The following ZNF44 variants were observed in gnomAD, a reference collection of about 807,000 sequenced individuals.
ZNF44 encodes gonadotropin inducible transcription repressor-2.
In ZNF44, 9 loss-of-function variants were observed where a neutral mutation model predicts 11.7. That is an observed-to-expected ratio of 0.77 (90% CI 0.46 to 1.35). The LOEUF is 1.35. ZNF44 is among the 40% of genes most tolerant of loss of function. The pLI is 0.00. For synonymous variants in ZNF44, 224 were observed against 242.7 expected (o/e 0.92, Z 0.72); for missense variants, 696 against 743.1 (o/e 0.94, Z 0.74).
At chr19:12,282,343 T>C (rs987831943) in intron 1 of ZNF44, among the ~76,000 whole-genome samples, 11 of 151,630 alleles carry the variant, frequency 7.3e-5, no homozygotes, top group Non-Finnish European at 1.0e-4. Flanking sequence ...GGCATTAAGC[T>C]CCCTGCCAAG....
At chr19:12,231,216 T>TG (rs1298213953) in intron 2 of ZNF44, among the ~76,000 whole-genome samples, 1 of 152,058 alleles carries the variant, frequency 6.6e-6, no homozygotes, top group African/African-American at 2.4e-5. Context: ...ATGTCCTGTG[T>TG]GGGTATGTTT....
At chr19:12,257,615 G>A (rs370671723) in intron 5 of ZNF44, among the ~76,000 whole-genome samples, 37 of 118,570 alleles carry the variant, frequency 3.1e-4, no homozygotes, top group African/African-American at 8.3e-4. Context: ...GTGAAACTCC[G>A]TCTCTACTAA....
intron 1 of ZNF44, among the ~76,000 whole-genome samples, chr19:12,292,733 A>G (rs1968061385): frequency 6.6e-6 from 1 of 152,112 alleles, no homozygotes; most frequent in African/African-American, 2.4e-5. Flanking sequence ...GAGAGAGTCC[A>G]GAAGGCAGAA....
chr19:12,260,344 C>A, intron 5 of ZNF44: 1 of 1,018,124 alleles, frequency 9.8e-7, no homozygotes, highest in Non-Finnish European at 1.5e-6. Context: ...CCGAAGCCTG[C>A]CACCTCCTAC....
chr19:12,285,030 G>C, intron 1 of ZNF44: 1 of 704,196 alleles, frequency 1.4e-6, no homozygotes, highest in South Asian at 1.6e-5. Context: ...CACCTTTGAT[G>C]TCATCTCTAA....
intron 5 of ZNF44, chr19:12,266,228 G>T (rs879672721): frequency 8.9e-4 from 873 of 984,504 alleles, no homozygotes; most frequent in Non-Finnish European, 1.0e-3. Flanking sequence ...GCCGGTCCCA[G>T]CCAGCCCCTC....
chr19:12,292,438 C>T (rs1481956751), intron 1 of ZNF44, among the ~76,000 whole-genome samples: 2 of 152,108 alleles, frequency 1.3e-5, no homozygotes, highest in South Asian at 2.1e-4. Flanking sequence ...TGATAGGATG[C>T]CCTTTACAGT....
downstream of ZNF44, among the ~76,000 whole-genome samples, chr19:12,271,597 G>A (rs1221170706): frequency 6.6e-6 from 1 of 152,076 alleles, no homozygotes; most frequent in Non-Finnish European, 1.5e-5. Context: ...GTAATACTTG[G>A]GTTATCAAGA....
chr19:12,292,203 C>T (rs956006412), intron 1 of ZNF44, among the ~76,000 whole-genome samples: 7 of 151,742 alleles, frequency 4.6e-5, no homozygotes, highest in Non-Finnish European at 8.8e-5. Context: ...TGGGCATTCC[C>T]AGCTACTCCG....
chr19:12,267,293 C>T (rs1200857953), downstream of ZNF44, among the ~76,000 whole-genome samples: 2 of 152,088 alleles, frequency 1.3e-5, no homozygotes, highest in Admixed American at 1.3e-4. Context: ...ATCCACCTGC[C>T]TTGGCCTTGC....
chr19:12,235,780 T>C (rs1916365029), intron 1 of ZNF44, among the ~76,000 whole-genome samples: 1 of 152,186 alleles, frequency 6.6e-6, no homozygotes. Context: ...GAGGCTGATA[T>C]TCACTAGATC....
chr19:12,276,147 C>T lies in ZNF44; in HGVS notation c.4-65G>A, dbSNP rs757802182. ...TCACAGTACTGAGAACCTATACTCA[C>T]CTTCATAAACTTCCCATGATGCTGT... On this transcript the variant is annotated intron_variant, in intron 1 of 3. Transcript: ENST00000355684. The T allele has an allele frequency of 5.8e-6, 9 of 1,561,920 alleles. No homozygotes were observed. In the South Asian group the frequency reaches 9.9e-5, roughly 17 times the overall value.
chr19:12,260,181 G>A (rs966832378), intron 5 of ZNF44: 2 of 770,720 alleles, frequency 2.6e-6, no homozygotes, highest in Non-Finnish European at 4.8e-6. Flanking sequence ...TTCTGATCAA[G>A]AGGACTATGC....
chr19:12,236,846 G>A (rs1434556495), intron 1 of ZNF44, among the ~76,000 whole-genome samples: 2 of 152,186 alleles, frequency 1.3e-5, no homozygotes, highest in Non-Finnish European at 2.9e-5. Flanking sequence ...GCATTCCCAG[G>A]CTATTGTCCT....
intron 3 of ZNF44, among the ~76,000 whole-genome samples, chr19:12,228,851 TA>T (rs898749217): frequency 6.6e-6 from 1 of 152,208 alleles, no homozygotes; most frequent in African/African-American, 2.4e-5. Context: ...TTTCACTTAT[TA>T]AAAAATTATA....
At chr19:12,261,977 A>T (rs1486712641) in intron 5 of ZNF44, among the ~76,000 whole-genome samples, 1 of 152,246 alleles carries the variant, frequency 6.6e-6, no homozygotes, top group Non-Finnish European at 1.5e-5. Context: ...TTTTAAACAT[A>T]GGAAACCATT....
chr19:12,247,609 ACT>A (rs1262767779), downstream of ZNF44: 5 of 1,333,816 alleles, frequency 3.7e-6, no homozygotes, highest in Non-Finnish European at 5.0e-6. Flanking sequence ...TTACATTCAT[ACT>A]GTTTCTTTGC....
chr19:12,250,513 G>T, intron 5 of ZNF44: 1 of 637,896 alleles, frequency 1.6e-6, no homozygotes, highest in Non-Finnish European at 2.3e-6. Flanking sequence ...CTAACTCTTT[G>T]GCCACACTCC....
At chr19:12,230,151 A>G (rs1372692381) in intron 3 of ZNF44, among the ~76,000 whole-genome samples, 1 of 152,196 alleles carries the variant, frequency 6.6e-6, no homozygotes, top group Non-Finnish European at 1.5e-5. Context: ...AAAAGACTAC[A>G]TGCTTAAGCC....
Sources: gnomAD v4.1 joint callset for allele counts (sites outside exome capture counted in the v4.1 genomes callset) on GRCh38, gnomAD v4.1.1 for gene constraint, MANE v1.5 for transcripts, NCBI Gene and HGNC (gene_info 2026-07-23, HGNC 2026-07-21) for gene names.